The following SMYD3 variants were observed in gnomAD, a reference collection of about 807,000 sequenced individuals.
SMYD3 encodes SET and MYND domain containing 3.
SMYD3 carries 36 observed loss-of-function variants against 57.7 expected under a neutral mutation model. The ratio of observed to expected loss-of-function variants is 0.62; its 90% CI spans 0.48 to 0.82. The LOEUF is 0.82. Ranked by LOEUF, SMYD3 falls within the 40% of genes least tolerant of loss-of-function variation. SMYD3 has a pLI of 0.00. For synonymous variants in SMYD3, 211 were observed against 195.0 expected (o/e 1.08, Z -0.68); for missense variants, 515 against 538.8 (o/e 0.96, Z 0.44).
At chr1:246,210,960 AG>A (rs1241643911) in intron 5 of SMYD3, among the ~76,000 whole-genome samples, 1 of 152,124 alleles carries the variant, frequency 6.6e-6, no homozygotes, top group Non-Finnish European at 1.5e-5. Context: ...CCACTGTCCC[AG>A]GCGCGTCTGC....
chr1:246,399,528 A>G (rs1257688635), intron 1 of SMYD3, among the ~76,000 whole-genome samples: 1 of 151,730 alleles, frequency 6.6e-6, no homozygotes, highest in Non-Finnish European at 1.5e-5. Context: ...ACTTCTTTGT[A>G]CTTTTGGGTT....
intron 1 of SMYD3, among the ~76,000 whole-genome samples, chr1:246,454,849 C>T (rs2067678951): frequency 6.6e-6 from 1 of 152,110 alleles, no homozygotes; most frequent in African/African-American, 2.4e-5. Flanking sequence ...AAAACTGGGA[C>T]TGAAATCAAG....
intron 5 of SMYD3, among the ~76,000 whole-genome samples, chr1:246,236,425 T>A (rs920622672): frequency 2.0e-5 from 3 of 152,014 alleles, no homozygotes; most frequent in Admixed American, 6.6e-5. Flanking sequence ...TTAATTTATT[T>A]ATTTTTTGAG....
chr1:245,782,495 T>G (rs1361906387), intron 10 of SMYD3, among the ~76,000 whole-genome samples: 1 of 152,206 alleles, frequency 6.6e-6, no homozygotes, highest in East Asian at 1.9e-4. Flanking sequence ...GGCATGGAAG[T>G]GGCAAAACCA....
chr1:246,267,984 G>A (rs2064143224), intron 5 of SMYD3, among the ~76,000 whole-genome samples: 1 of 152,100 alleles, frequency 6.6e-6, no homozygotes, highest in Admixed American at 6.6e-5. Flanking sequence ...CCATTCCCAG[G>A]TGTGCAGTAG....
At chr1:246,240,044 T>C (rs1028607921) in intron 5 of SMYD3, among the ~76,000 whole-genome samples, 5 of 152,240 alleles carry the variant, frequency 3.3e-5, no homozygotes, top group Non-Finnish European at 7.3e-5. Context: ...GTAGGTTGCC[T>C]GTTCACTCTG....
chr1:246,190,614 C>T (rs1260179643), intron 5 of SMYD3, among the ~76,000 whole-genome samples: 1 of 140,888 alleles, frequency 7.1e-6, no homozygotes, highest in Non-Finnish European at 1.5e-5. Context: ...AAAAAGGAAG[C>T]ATGGGAAGTA....
intron 5 of SMYD3, among the ~76,000 whole-genome samples, chr1:246,188,387 C>T (rs999005399): frequency 6.6e-6 from 1 of 152,072 alleles, no homozygotes; most frequent in Admixed American, 6.5e-5. Context: ...CCTAATGGAG[C>T]CCTGCAAAGA....
intron 10 of SMYD3, among the ~76,000 whole-genome samples, chr1:245,793,169 C>A (rs1465795589): frequency 6.7e-6 from 1 of 149,684 alleles, no homozygotes; most frequent in African/African-American, 2.5e-5. Context: ...ATGAGCCGGG[C>A]ATGGTGGCGG....
chr1:245,856,938 A>T (rs143507743), intron 10 of SMYD3, among the ~76,000 whole-genome samples: 11 of 152,266 alleles, frequency 7.2e-5, no homozygotes, highest in Non-Finnish European at 1.5e-4. Flanking sequence ...CAGAGAGGTA[A>T]CGCCAACCAT....
chr1:245,995,846 C>G (rs1004394996), intron 5 of SMYD3, among the ~76,000 whole-genome samples: 1 of 152,194 alleles, frequency 6.6e-6, no homozygotes, highest in Non-Finnish European at 1.5e-5. Context: ...TAGACATGCA[C>G]AGGGGGCAGG....
At chr1:245,945,207 A>T (rs941236343) in intron 5 of SMYD3, among the ~76,000 whole-genome samples, 1 of 152,218 alleles carries the variant, frequency 6.6e-6, no homozygotes, top group African/African-American at 2.4e-5. Context: ...ACAGAATGGA[A>T]GAAAATGTTT....
chr1:245,920,292 G>T (rs550131556), intron 7 of SMYD3, among the ~76,000 whole-genome samples: 11 of 132,472 alleles, frequency 8.3e-5, no homozygotes, highest in Non-Finnish European at 1.4e-4. Context: ...CAGCCTGGGC[G>T]ACAGAGCGAG....
chr1:246,076,293 A>C (rs1265597675), intron 5 of SMYD3, among the ~76,000 whole-genome samples: 1 of 152,230 alleles, frequency 6.6e-6, no homozygotes. Flanking sequence ...AGAAATTCAA[A>C]GAAAAGACAG....
intron 5 of SMYD3, chr1:246,193,774 G>A (rs967467886): frequency 3.3e-5 from 5 of 152,250 alleles, no homozygotes; most frequent in Admixed American, 6.5e-5. Flanking sequence ...CAGTTCTTCC[G>A]AGCCGCAGAC....
At chr1:245,790,083 A>G (rs1315566278) in intron 10 of SMYD3, among the ~76,000 whole-genome samples, 1 of 152,180 alleles carries the variant, frequency 6.6e-6, no homozygotes, top group African/African-American at 2.4e-5. Context: ...GGAAAGTATT[A>G]ACAAGTCTGG....
chr1:245,880,632 AAGAC>A (rs2052731854), intron 8 of SMYD3, among the ~76,000 whole-genome samples: 1 of 152,224 alleles, frequency 6.6e-6, no homozygotes, highest in South Asian at 2.1e-4. Context: ...GCAGCTGAGA[AAGAC>A]AGGTTAACCT....
intron 1 of SMYD3, among the ~76,000 whole-genome samples, chr1:246,357,630 C>G (rs1558421629): frequency 6.6e-6 from 1 of 152,100 alleles, no homozygotes; most frequent in Non-Finnish European, 1.5e-5. Flanking sequence ...GTAACAAAAC[C>G]CTATAAGCTA....
At chr1:246,289,711 T>C (rs2064647927) in intron 5 of SMYD3, among the ~76,000 whole-genome samples, 1 of 152,222 alleles carries the variant, frequency 6.6e-6, no homozygotes, top group South Asian at 2.1e-4. Context: ...TCAGTAAATG[T>C]TACTGTTCGT....
Sources: allele counts gnomAD v4.1 joint callset (sites outside exome capture counted in the v4.1 genomes callset), GRCh38; gene constraint gnomAD v4.1.1; transcripts MANE v1.5; gene names NCBI Gene and HGNC (gene_info 2026-07-23, HGNC 2026-07-21).